Variants in GPR107 observed in about 807,000 individuals in gnomAD.
GPR107 encodes G protein-coupled receptor 107.
GPR107 carries 31 observed loss-of-function variants against 75.5 expected under a neutral mutation model. The ratio of observed to expected loss-of-function variants is 0.41; its 90% confidence interval spans 0.31 to 0.55. GPR107 has a LOEUF of 0.55. GPR107 is among the 20% of genes least tolerant of loss of function. The pLI is 0.26. For synonymous variants in GPR107, 267 were observed against 251.3 expected, an observed-to-expected ratio of 1.06 and a Z score of -0.59; for missense variants, 572 against 665.7, an observed-to-expected ratio of 0.86 and a Z score of 1.55.
intron 5 of GPR107, 36 bp from the exon 6 acceptor site, chr9:130,083,529 C>T: frequency 7.1e-7 from 1 of 1,402,330 alleles, no homozygotes; most frequent in South Asian, 1.5e-5. Context: ...TAAGTTGAGT[C>T]ATGCAGCACT....
chr9:130,054,304 G>C (rs1428487890), intron 1 of GPR107, among the ~76,000 whole-genome samples: 1 of 152,222 alleles, frequency 6.6e-6, no homozygotes, highest in Non-Finnish European at 1.5e-5. Context: ...GGAGGGGAAG[G>C]GGCTGAACTG....
rs1191669460 is a variant in GPR107 at position 130,075,744 on chromosome 9, G to A, written c.250G>A (p.Val84Met). 9.2e-6 allele frequency: 13 copies of A among 1,410,650 alleles called. No homozygotes were observed. Among genetic ancestry groups the A allele is most frequent in the African/African-American group, 4.2e-5 (3 of 70,976 alleles). 87.4% of individuals were successfully genotyped at this position (1,410,650 alleles called of 1,614,324 possible). A position where few individuals can be genotyped will look rare whatever the true frequency, so the allele number is the denominator to read the frequency against. Reference sequence around the variant, plus strand: ...ACTGAATGAGCCTGAAGACAAGGATGTGACTGTAAGTACCTTTTAATGAGA... The same window carrying A: ...ACTGAATGAGCCTGAAGACAAGGATATGACTGTAAGTACCTTTTAATGAGA... ...LSLNEPEDKD[V>M]TIGFSLDRTK... The change falls in exon 2 of 18, where the codon GTG (valine) becomes ATG (methionine). Residue 84 changes from valine (V) to methionine (M), a missense_variant. Val to Met is a conservative substitution (Grantham distance 21). Coordinates refer to ENST00000347136, the MANE Select transcript of GPR107 (RefSeq NM_020960.5).
chr9:130,070,596 G>A (rs908258914), intron 1 of GPR107, among the ~76,000 whole-genome samples: 1 of 152,090 alleles, frequency 6.6e-6, no homozygotes, highest in East Asian at 1.9e-4. Context: ...GAGCCACCGC[G>A]CCTAGCCAAA....
chr9:130,136,435 C>T lies in GPR107; in HGVS notation c.*1314C>T, dbSNP rs2132666125. 6.6e-6 allele frequency: 1 copy of T among 152,322 alleles called. No homozygotes were observed. The highest frequency in any genetic ancestry group is 6.5e-5 in the Admixed American group (1 of 15,300). 9.4% of individuals were successfully genotyped at this position (152,322 alleles called of 1,614,324 possible). On this transcript the variant is annotated 3_prime_UTR_variant, in exon 18 of 18. Coordinates refer to ENST00000347136, the MANE Select transcript of GPR107 (RefSeq NM_020960.5). The stretch of plus-strand genomic sequence containing the variant: ...GCCCCATCAGGGAAGCTTCTTAATG[C>T]TTGGGGGGCCAGCTAGGTAGGGTTG...
chr9:130,132,823 ATATATT>A (rs1564688693), intron 17 of GPR107, among the ~76,000 whole-genome samples: 2 of 89,298 alleles, frequency 2.2e-5, no homozygotes, highest in South Asian at 2.9e-4. Flanking sequence ...ATATATTTTT[ATATATT>A]TATATATATA....
chr9:130,059,830 C>A (rs570409022), intron 1 of GPR107, among the ~76,000 whole-genome samples: 1 of 151,690 alleles, frequency 6.6e-6, no homozygotes, highest in East Asian at 1.9e-4. Context: ...CCTCTGCCTC[C>A]CGGGTTCAAG....
At chr9:130,115,370 C>G (rs925197403) in intron 14 of GPR107, among the ~76,000 whole-genome samples, 4 of 152,086 alleles carry the variant, frequency 2.6e-5, no homozygotes, top group Admixed American at 2.0e-4. Context: ...GATCCTCCCC[C>G]TTTTTTCCGC....
chr9:130,080,641 G>A (rs1205432415), intron 5 of GPR107, among the ~76,000 whole-genome samples: 3 of 151,616 alleles, frequency 2.0e-5, no homozygotes, highest in Non-Finnish European at 2.9e-5. Context: ...ACAGGCGCCC[G>A]CCACCATGCC....
At chr9:130,111,983 C>CT (rs914846390) in intron 14 of GPR107, among the ~76,000 whole-genome samples, 3 of 152,182 alleles carry the variant, frequency 2.0e-5, no homozygotes, top group African/African-American at 7.2e-5. Flanking sequence ...TGGCTCCACT[C>CT]TGTCTCGCCT....
chr9:130,090,901 A>T lies in GPR107; in HGVS notation c.647A>T (p.Asp216Val). 1 of 1,494,630 alleles carries T rather than the reference A, an allele frequency of 6.7e-7. No homozygotes were observed. The highest frequency in any genetic ancestry group is 9.3e-7 in the Non-Finnish European group (1 of 1,072,508). 92.6% of individuals were successfully genotyped at this position (1,494,630 alleles called of 1,614,324 possible). A position where few individuals can be genotyped will look rare whatever the true frequency, so the allele number is the denominator to read the frequency against. ...FQFFFNISTD[D>V]QEGLYSLYFH... Reference sequence around the variant, plus strand: ...TTTTTCTTTAACATCAGCACTGATGACCAAGAAGGCCTTTACAGTCTTTAT... The same window carrying T: ...TTTTTCTTTAACATCAGCACTGATGTCCAAGAAGGCCTTTACAGTCTTTAT... Residue 216 changes from aspartate (D) to valine (V), a missense_variant, in exon 8 of 18, where the codon GAC (aspartate) becomes GTC (valine). By Grantham distance (152) the Asp-to-Val change is radical. Transcript: ENST00000347136.
At chr9:130,068,827 C>T (rs1026479554) in intron 1 of GPR107, among the ~76,000 whole-genome samples, 12 of 151,686 alleles carry the variant, frequency 7.9e-5, no homozygotes, top group East Asian at 1.9e-4. Context: ...CTGCAGCCTC[C>T]GCCTCCTGGA....
intron 1 of GPR107, among the ~76,000 whole-genome samples, chr9:130,056,043 A>G (rs1829779747): frequency 7.3e-6 from 1 of 136,464 alleles, no homozygotes; most frequent in Non-Finnish European, 1.5e-5. Flanking sequence ...GGTAAAAATT[A>G]TCCTGATTAA....
At chr9:130,076,894 T>G (rs527577853) in intron 3 of GPR107, among the ~76,000 whole-genome samples, 1 of 145,254 alleles carries the variant, frequency 6.9e-6, no homozygotes, top group African/African-American at 2.5e-5. Context: ...TTGTTTTTTG[T>G]TTTTTTTTTT....
chr9:130,056,967 T>C (rs961297566), intron 1 of GPR107, among the ~76,000 whole-genome samples: 3 of 146,150 alleles, frequency 2.1e-5, no homozygotes, highest in East Asian at 2.0e-4. Context: ...TTCACAAATT[T>C]GTGTTGGGCC....
chr9:130,109,285 C>T (rs1000157599), intron 14 of GPR107, among the ~76,000 whole-genome samples: 1 of 152,142 alleles, frequency 6.6e-6, no homozygotes, highest in East Asian at 1.9e-4. Context: ...ATTCTCCTTC[C>T]TCAGCCTCCC....
At chr9:130,096,592 C>T (rs1229415231) in intron 9 of GPR107, among the ~76,000 whole-genome samples, 3 of 151,838 alleles carry the variant, frequency 2.0e-5, no homozygotes, top group South Asian at 2.1e-4. Flanking sequence ...TTCAGCCTCC[C>T]GAGTAGCTGG....
chr9:130,102,176 G>GTCAGTGGCATA (rs1554895249), intron 12 of GPR107, among the ~76,000 whole-genome samples: 1 of 152,042 alleles, frequency 6.6e-6, no homozygotes, highest in African/African-American at 2.4e-5. Context: ...ATGTGACAGA[G>GTCAGTGGCATA]GCAGTAAATA....
chr9:130,119,735 G>T (rs75345506), intron 14 of GPR107, among the ~76,000 whole-genome samples: 1 of 152,048 alleles, frequency 6.6e-6, no homozygotes, highest in East Asian at 1.9e-4. Context: ...CCTCACCCCC[G>T]CCAACTGCTG....
At chr9:130,063,953 C>T (rs1028742828) in intron 1 of GPR107, among the ~76,000 whole-genome samples, 13 of 151,338 alleles carry the variant, frequency 8.6e-5, no homozygotes, top group Non-Finnish European at 1.3e-4. Context: ...TACAGGCATG[C>T]GGCACCATGC....
Sources: allele counts gnomAD v4.1 joint callset (sites outside exome capture counted in the v4.1 genomes callset), GRCh38; gene constraint gnomAD v4.1.1; transcripts MANE v1.5; gene names NCBI Gene and HGNC (gene_info 2026-07-23, HGNC 2026-07-21).